Variants in MTHFD1 observed in about 807,000 individuals in gnomAD.
MTHFD1 encodes C-1-tetrahydrofolate synthase, cytoplasmic.
MTHFD1 carries 44 observed loss-of-function variants against 110.3 expected under a neutral mutation model. That is an observed-to-expected ratio of 0.40 (90% CI 0.31 to 0.51). The LOEUF is 0.51. MTHFD1 is among the 20% of genes least tolerant of loss of function. The pLI is 0.60. For missense variants in MTHFD1, 909 were observed against 1,173.1 expected (o/e 0.77, Z 3.29); for synonymous variants, 402 against 428.8 (o/e 0.94, Z 0.77).
At chr14:64,394,289 C>T (rs1434663170) in intron 1 of MTHFD1, among the ~76,000 whole-genome samples, 4 of 152,050 alleles carry the variant, frequency 2.6e-5, no homozygotes, top group African/African-American at 4.8e-5. Flanking sequence ...GTGGCAGAGG[C>T]TCGATGGTGC....
chr14:64,452,141 T>C (rs578207526), intron 24 of MTHFD1, among the ~76,000 whole-genome samples: 2 of 152,168 alleles, frequency 1.3e-5, no homozygotes, highest in East Asian at 1.9e-4. Context: ...ACTAAAAATA[T>C]AAAATTAGCC....
chr14:64,431,732 A>G, intron 14 of MTHFD1, 55 bp from the exon 15 acceptor site: 2 of 1,594,484 alleles, frequency 1.3e-6, no homozygotes, highest in Non-Finnish European at 1.7e-6. Context: ...CTGAGGATGC[A>G]GGTAGCAAAG....
At chr14:64,459,047 G>A (rs2078521128) in intron 27 of MTHFD1, among the ~76,000 whole-genome samples, 1 of 152,190 alleles carries the variant, frequency 6.6e-6, no homozygotes, top group South Asian at 2.1e-4. Context: ...CCGTCTTACT[G>A]GCAATAAGAA....
At chr14:64,405,151 G>A (rs756482527) in intron 2 of MTHFD1, among the ~76,000 whole-genome samples, 5 of 152,114 alleles carry the variant, frequency 3.3e-5, no homozygotes, top group Non-Finnish European at 5.9e-5. Flanking sequence ...TATTGTGGGT[G>A]TATACTGGTA....
intron 10 of MTHFD1, 37 bp downstream of exon 10, chr14:64,425,864 A>G: frequency 4.4e-6 from 7 of 1,601,156 alleles, no homozygotes; most frequent in Non-Finnish European, 6.0e-6. Flanking sequence ...AACTTTGTGA[A>G]TTGTTGGTTT....
intron 27 of MTHFD1, among the ~76,000 whole-genome samples, chr14:64,459,216 A>C (rs2078523780): frequency 6.6e-6 from 1 of 152,170 alleles, no homozygotes; most frequent in East Asian, 1.9e-4. Context: ...TACTTAGCAA[A>C]ATGAGGAATT....
chr14:64,393,082 C>T (rs964833979), intron 1 of MTHFD1, among the ~76,000 whole-genome samples: 1 of 152,170 alleles, frequency 6.6e-6, no homozygotes, highest in Non-Finnish European at 1.5e-5. Context: ...AGATTAAATA[C>T]ATGTAGGCCC....
chr14:64,400,158 G>GTCCTAGATCGCT (rs2077885069), intron 1 of MTHFD1, among the ~76,000 whole-genome samples: 1 of 151,544 alleles, frequency 6.6e-6, no homozygotes, highest in African/African-American at 2.4e-5. Flanking sequence ...GGAAGCTGAG[G>GTCCTAGATCGCT]TGGGGGGATC....
Position 64,442,393 on chromosome 14 carries a change from C to T in MTHFD1, c.2127C>T (p.Gly709=), listed in dbSNP as rs777815998. 1.3e-5 allele frequency: 21 copies of T among 1,613,930 alleles called. 1 individual carries two copies. The highest frequency in any genetic ancestry group is 8.3e-5 in the Admixed American group (5 of 59,998). The change falls in exon 21 of 28, where the codon GGC becomes GGT. Residue 709 remains glycine (G), a synonymous_variant. Transcript: ENST00000652337. ...ATVRALKMHG[G]GPTVTAGLPL... is the part of the protein sequence containing the mutation. ...TCAGGGCTCTCAAGATGCACGGGGG[C>T]GGCCCCACGGTGAGTGGTGGGTTGA...
rs1229560386 is a variant in MTHFD1 at position 64,435,501 on chromosome 14, A to T, written c.1495-68A>T. 2.8e-6 allele frequency: 3 copies of T among 1,069,406 alleles called. No individual in the cohort carries two copies. In the East Asian group the frequency reaches 7.1e-5, roughly 25 times the overall value. The allele number at this position is 1,069,406 out of a possible 1,614,324, so 66.2% of individuals were successfully genotyped here. ...ATCCCATTTAGAGGTAGGGGTCAAA[A>T]TTTTTGTCTTACGTTTATTGTGCTT... On this transcript the variant is annotated intron_variant, in intron 15 of 27. Coordinates refer to ENST00000652337, the MANE Select transcript of MTHFD1 (RefSeq NM_005956.4).
intron 1 of MTHFD1, among the ~76,000 whole-genome samples, chr14:64,393,323 T>C (rs1227102879): frequency 6.6e-6 from 1 of 151,720 alleles, no homozygotes; most frequent in Non-Finnish European, 1.5e-5. Context: ...GGCTTGAACC[T>C]GGGAGGAGGA....
chr14:64,441,828 C>T (rs1315426846), intron 19 of MTHFD1: 2 of 608,026 alleles, frequency 3.3e-6, no homozygotes, highest in Non-Finnish European at 5.8e-6. Flanking sequence ...AAATTAAGCA[C>T]ACTTAACCTG....
chr14:64,419,956 C>A, intron 8 of MTHFD1, 31 bp downstream of exon 8: 1 of 1,480,890 alleles, frequency 6.8e-7, no homozygotes, highest in Non-Finnish European at 9.4e-7. Context: ...AAGGTGGCTG[C>A]TGGTATTGAG....
At chr14:64,418,480 A>G (rs111385952) in intron 7 of MTHFD1, among the ~76,000 whole-genome samples, 3,597 of 151,326 alleles carry the variant, frequency 0.024, 149 homozygotes, top group African/African-American at 0.083. Flanking sequence ...TTAATTAAAA[A>G]AAACATAAAA....
In MTHFD1 at chr14:64,433,713, C is replaced by CT. The variant is rs1270622250; in HGVS notation, c.1494+1852_1494+1853insT. Reference sequence around the variant, plus strand: ...TACTTGCATGAACCACTGAGCTCAGCATTTTTTTTTTTTTTTTTTTTTTAA... The same window carrying CT: ...TACTTGCATGAACCACTGAGCTCAGCTATTTTTTTTTTTTTTTTTTTTTTAA... On this transcript the variant is annotated intron_variant, in intron 15 of 27. Transcript: ENST00000652337. 7.3e-3 allele frequency among the ~76,000 whole-genome samples: 968 copies of CT among 133,178 alleles called. 32 individuals are homozygous for CT. The highest frequency in any genetic ancestry group is 0.025 in the African/African-American group (835 of 34,038). 87.4% of individuals were successfully genotyped at this position (133,178 alleles called of 152,430 possible).
intron 13 of MTHFD1, among the ~76,000 whole-genome samples, 158 bp from the exon 14 acceptor site, chr14:64,431,374 A>G (rs1053224416): frequency 1.3e-5 from 2 of 152,150 alleles, no homozygotes; most frequent in Admixed American, 6.5e-5. Context: ...CCAGTCATTT[A>G]TGTTTTCAAG....
At chr14:64,453,461 C>T (rs1250316800) in intron 24 of MTHFD1, among the ~76,000 whole-genome samples, 3 of 152,140 alleles carry the variant, frequency 2.0e-5, no homozygotes, top group Non-Finnish European at 4.4e-5. Context: ...ATCCCAGCTA[C>T]TCGGGAGGCT....
rs1363741139 is a variant in MTHFD1 at position 64,388,353 on chromosome 14, G to T, written c.-75G>T. On this transcript the variant is annotated 5_prime_UTR_variant, in exon 1 of 28. Coordinates refer to ENST00000652337, the MANE Select transcript of MTHFD1 (RefSeq NM_005956.4). ...AGTCCCTAAGCACGTGGGTTGGGTT[G>T]TCCTGCTTGGCTGCGGAGGGAGTGG... 6.2e-7 allele frequency: 1 copy of T among 1,614,024 alleles called. No homozygotes were observed. The highest frequency in any genetic ancestry group is 1.3e-5 in the African/African-American group (1 of 74,932).
chr14:64,394,124 G>A (rs2077828444), intron 1 of MTHFD1, among the ~76,000 whole-genome samples: 1 of 152,110 alleles, frequency 6.6e-6, no homozygotes, highest in Non-Finnish European at 1.5e-5. Flanking sequence ...AGCAGCTTCT[G>A]TCACCCTGTA....
Sources: gnomAD v4.1 joint callset for allele counts (sites outside exome capture counted in the v4.1 genomes callset) on GRCh38, gnomAD v4.1.1 for gene constraint, MANE v1.5 for transcripts, NCBI Gene and HGNC (gene_info 2026-07-23, HGNC 2026-07-21) for gene names.